The following MAPK6 variants were observed in gnomAD, a reference collection of about 807,000 sequenced individuals.
The protein encoded by MAPK6 is mitogen-activated protein kinase 6.
MAPK6 carries 19 observed loss-of-function variants against 59.3 expected under a neutral mutation model. That is an observed-to-expected ratio of 0.32 (90% CI 0.22 to 0.47). MAPK6 has a LOEUF of 0.47. Ranked by LOEUF, MAPK6 falls within the 20% of genes least tolerant of loss-of-function variation. The pLI is 1.00. For missense variants in MAPK6, 724 were observed against 847.9 expected, an observed-to-expected ratio of 0.85 and a Z score of 1.81; for synonymous variants, 316 against 290.3, an observed-to-expected ratio of 1.09 and a Z score of -0.90.
At chr15:52,044,810 C>T (rs2031546269) in intron 1 of MAPK6, among the ~76,000 whole-genome samples, 1 of 151,970 alleles carries the variant, frequency 6.6e-6, no homozygotes, top group Admixed American at 6.6e-5. Flanking sequence ...TAGTAATCTG[C>T]CATGTTTGTT....
At chr15:52,003,197 A>T (rs4456445) in intron 2 of MAPK6, among the ~76,000 whole-genome samples, 1 of 151,882 alleles carries the variant, frequency 6.6e-6, no homozygotes, top group East Asian at 1.9e-4. Context: ...TAAAAAAAAA[A>T]CCAAAAAACA....
chr15:52,031,210 G>A (rs2414123), intron 1 of MAPK6, among the ~76,000 whole-genome samples: 1,885 of 152,228 alleles, frequency 0.012, 68 homozygotes, highest in East Asian at 0.076. Flanking sequence ...CGGGACTACA[G>A]GTGTGAGCCA....
At chr15:52,039,754 T>C (rs1216430226) in intron 1 of MAPK6, among the ~76,000 whole-genome samples, 2 of 151,946 alleles carry the variant, frequency 1.3e-5, no homozygotes, top group Non-Finnish European at 2.9e-5. Flanking sequence ...TGGCCTCAGG[T>C]GTTCTGCCCA....
chr15:52,028,809 G>C (rs1347279331), intron 1 of MAPK6, among the ~76,000 whole-genome samples: 1 of 152,110 alleles, frequency 6.6e-6, no homozygotes, highest in Non-Finnish European at 1.5e-5. Flanking sequence ...GTCTTTTTGT[G>C]CTCTCTCCAC....
At chr15:52,032,284 T>C (rs1363254109) in intron 1 of MAPK6, among the ~76,000 whole-genome samples, 1 of 146,722 alleles carries the variant, frequency 6.8e-6, no homozygotes, top group East Asian at 2.1e-4. Flanking sequence ...TCCGACTCCC[T>C]GGTTTAAGCG....
intron 2 of MAPK6, among the ~76,000 whole-genome samples, chr15:51,998,908 T>C (rs1403090900): frequency 6.7e-6 from 1 of 149,778 alleles, no homozygotes; most frequent in East Asian, 2.0e-4. Context: ...GTCAGGATGG[T>C]CTTGATCTCC....
chr15:52,058,652 G>T lies in MAPK6; in HGVS notation c.720G>T (p.Gln240His). The change falls in exon 4 of 6, where the codon CAG becomes CAT. Residue 240 changes from glutamine to histidine, a missense_variant. Physicochemically the swap from Gln to His is conservative, Grantham distance 24. Coordinates refer to ENST00000261845, the MANE Select transcript of MAPK6 (RefSeq NM_002748.4). ...CCTCAGGTGCACATGAACTTGAACAGATGCAGCTGATTTTAGAATCTATTC... is the reference window on the plus strand; with the variant it reads ...CCTCAGGTGCACATGAACTTGAACATATGCAGCTGATTTTAGAATCTATTC... ...TLFAGAHELE[Q>H]MQLILESIPV... The T allele has an allele frequency of 1.2e-6, 2 of 1,609,578 alleles. No individual in the cohort carries two copies. Among genetic ancestry groups the T allele is most frequent in the Non-Finnish European group, 8.5e-7 (1 of 1,177,756 alleles).
At chr15:52,036,601 A>G (rs1660709062) in intron 1 of MAPK6, among the ~76,000 whole-genome samples, 1 of 152,126 alleles carries the variant, frequency 6.6e-6, no homozygotes, top group Admixed American at 6.6e-5. Context: ...ACCTCCTAAC[A>G]CTTGCATTGA....
chr15:52,033,607 G>C (rs1471919386), intron 1 of MAPK6: 1 of 152,208 alleles, frequency 6.6e-6, no homozygotes, highest in African/African-American at 2.4e-5. Context: ...TTTGGACTCA[G>C]ATTGAGCCAC....
At chr15:51,978,171 C>CGCCCAAGCTGGA (rs2057162575) in intron 1 of MAPK6, among the ~76,000 whole-genome samples, 1 of 150,430 alleles carries the variant, frequency 6.6e-6, no homozygotes, top group Admixed American at 6.6e-5. Context: ...CCTGCTCTGT[C>CGCCCAAGCTGGA]GCCCAAGCTG....
intron 3 of MAPK6, among the ~76,000 whole-genome samples, chr15:52,053,832 G>GT (rs1177817368): frequency 2.0e-5 from 3 of 151,124 alleles, no homozygotes; most frequent in Admixed American, 6.6e-5. Flanking sequence ...TAGAGACGGG[G>GT]TTCACCACGT....
intron 1 of MAPK6, among the ~76,000 whole-genome samples, chr15:51,980,496 T>C (rs888903175): frequency 6.8e-6 from 1 of 148,114 alleles, no homozygotes; most frequent in African/African-American, 2.5e-5. Context: ...CCTACCAGTT[T>C]GGTATCTAGG....
intron 2 of MAPK6, among the ~76,000 whole-genome samples, chr15:51,990,982 G>T (rs993828694): frequency 2.0e-5 from 3 of 151,686 alleles, no homozygotes; most frequent in African/African-American, 7.3e-5. Context: ...AACAAAATTA[G>T]TCGGGTGTGA....
Position 51,994,294 on chromosome 15 carries a change from A to G in MAPK6, c.-769-9971A>G, listed in dbSNP as rs553343506. Among the ~76,000 whole-genome samples, 191 of 152,240 alleles carry G rather than the reference A, an allele frequency of 1.3e-3. 2 individuals are homozygous for G. Among genetic ancestry groups the G allele is most frequent in the African/African-American group, 4.4e-3 (184 of 41,534 alleles). ...TTTCTAAATACCATTCTCCACCAAA[A>G]GGAACCAGGGCCCCTTGGAGAATGG... On this transcript the variant is annotated intron_variant, in intron 2 of 7. Coordinates refer to the MAPK6 transcript ENST00000691380.
intron 3 of MAPK6, among the ~76,000 whole-genome samples, chr15:52,005,198 C>T (rs1297295331): frequency 3.3e-5 from 5 of 152,148 alleles, no homozygotes; most frequent in African/African-American, 1.2e-4. Flanking sequence ...AATAGGCACT[C>T]AAAGGCTATC....
chr15:52,055,863 C>T (rs367952397), intron 3 of MAPK6, among the ~76,000 whole-genome samples: 12 of 152,074 alleles, frequency 7.9e-5, no homozygotes, highest in South Asian at 2.1e-4. Context: ...AATGCACATT[C>T]GGACATTAAA....
At chr15:52,051,919 G>A (rs4775996) in intron 3 of MAPK6, among the ~76,000 whole-genome samples, 8,205 of 151,780 alleles carry the variant, frequency 0.054, 428 homozygotes, top group African/African-American at 0.13. Flanking sequence ...TTCTAAATTG[G>A]AATTCGGAGG....
At chr15:51,982,608 A>G (rs1479487624) in intron 1 of MAPK6, among the ~76,000 whole-genome samples, 9 of 152,174 alleles carry the variant, frequency 5.9e-5, no homozygotes, top group Admixed American at 5.9e-4. Flanking sequence ...CTTGAAGAAT[A>G]CTGCCTTTAG....
At position 52,032,942 on chromosome 15, in the gene MAPK6, C is replaced by T. The variant is rs370313438; in HGVS notation, c.-631-12888C>T. Among the ~76,000 whole-genome samples the T allele has an allele frequency of 2.9e-4, 44 of 152,088 alleles. 5 individuals carry two copies. Among genetic ancestry groups the T allele is most frequent in the South Asian group, 1.9e-3 (9 of 4,814 alleles). On this transcript the variant is annotated intron_variant, in intron 1 of 5. Transcript: ENST00000261845. Reference sequence around the variant, plus strand: ...TCAGGTGATCTGCCCGCTTCAGCCTCCCAAAGTGCTGGGGTTACAGGCGTG... The same window carrying T: ...TCAGGTGATCTGCCCGCTTCAGCCTTCCAAAGTGCTGGGGTTACAGGCGTG...
Sources: gnomAD v4.1 joint callset for allele counts (sites outside exome capture counted in the v4.1 genomes callset) on GRCh38, gnomAD v4.1.1 for gene constraint, MANE v1.5 for transcripts, NCBI Gene and HGNC (gene_info 2026-07-23, HGNC 2026-07-21) for gene names.